KCNJ6: variants seen among roughly 807,000 people sequenced by gnomAD.
The protein encoded by KCNJ6 is potassium inwardly rectifying channel subfamily J member 6.
KCNJ6 carries 9 observed loss-of-function variants against 34.2 expected under a neutral mutation model. That is an observed-to-expected ratio of 0.26 (90% CI 0.16 to 0.46). The LOEUF (loss-of-function observed/expected upper bound fraction) is 0.46, where lower values mean the gene tolerates loss of function less well. Among genes scored for constraint, KCNJ6 ranks in the 20% least tolerant of loss-of-function variants. The pLI is 1.00. For synonymous variants in KCNJ6, 196 were observed against 207.1 expected, an observed-to-expected ratio of 0.95 and a Z score of 0.46; for missense variants, 236 against 531.3, an observed-to-expected ratio of 0.44 and a Z score of 5.46.
intron 2 of KCNJ6, among the ~76,000 whole-genome samples, chr21:37,836,920 C>A (rs984462275): frequency 3.3e-5 from 5 of 152,172 alleles, no homozygotes; most frequent in African/African-American, 1.2e-4. Flanking sequence ...AATTGGCAGC[C>A]TTTGGAAGGT....
chr21:37,878,087 T>G (rs781761992), intron 1 of KCNJ6, among the ~76,000 whole-genome samples: 1 of 152,236 alleles, frequency 6.6e-6, no homozygotes, highest in Non-Finnish European at 1.5e-5. Context: ...GTTTCTGTCC[T>G]CTATCAATCT....
intron 2 of KCNJ6, among the ~76,000 whole-genome samples, chr21:37,784,651 C>T (rs1396890013): frequency 6.6e-6 from 1 of 152,092 alleles, no homozygotes; most frequent in African/African-American, 2.4e-5. Context: ...AAGTGAATGT[C>T]CCCAGGCAGC....
chr21:37,711,600 TGA>T (rs951559663), intron 3 of KCNJ6, among the ~76,000 whole-genome samples: 1 of 152,222 alleles, frequency 6.6e-6, no homozygotes, highest in African/African-American at 2.4e-5. Flanking sequence ...CCTGTGGTTT[TGA>T]GAGATTGAAG....
chr21:37,900,236 G>A (rs747363935), intron 1 of KCNJ6, among the ~76,000 whole-genome samples: 2 of 152,124 alleles, frequency 1.3e-5, no homozygotes, highest in Non-Finnish European at 2.9e-5. Context: ...ACAGTGTGTG[G>A]GAGATGCTTA....
chr21:37,824,681 C>T (rs150223208), intron 2 of KCNJ6, among the ~76,000 whole-genome samples: 136 of 152,284 alleles, frequency 8.9e-4, no homozygotes, highest in African/African-American at 3.2e-3. Context: ...GGCTTTCCTG[C>T]GCACACTTTC....
intron 2 of KCNJ6, among the ~76,000 whole-genome samples, chr21:37,725,799 T>C (rs2054851458): frequency 6.6e-6 from 1 of 152,256 alleles, no homozygotes; most frequent in South Asian, 2.1e-4. Context: ...CTGCTGCAGA[T>C]ATAATCAATG....
chr21:37,750,285 T>C (rs1439888541), intron 2 of KCNJ6, among the ~76,000 whole-genome samples: 1 of 152,226 alleles, frequency 6.6e-6, no homozygotes, highest in Admixed American at 6.5e-5. Flanking sequence ...TTGGTGGCAG[T>C]GTAAATTAGT....
intron 2 of KCNJ6, among the ~76,000 whole-genome samples, chr21:37,794,380 C>G (rs1231553237): frequency 6.6e-6 from 1 of 152,128 alleles, no homozygotes; most frequent in Non-Finnish European, 1.5e-5. Flanking sequence ...GTTTCCTCAT[C>G]TATAAAATGG....
chr21:37,668,089 C>T (rs1165504175), intron 3 of KCNJ6, among the ~76,000 whole-genome samples: 1 of 152,150 alleles, frequency 6.6e-6, no homozygotes, highest in Non-Finnish European at 1.5e-5. Flanking sequence ...GTGCCTGGCT[C>T]CCTTGGGGAC....
chr21:37,676,682 GT>G (rs2054566331), intron 3 of KCNJ6, among the ~76,000 whole-genome samples: 1 of 152,246 alleles, frequency 6.6e-6, no homozygotes, highest in South Asian at 2.1e-4. Context: ...GCAGGGTTGT[GT>G]TGGCCCAAGT....
intron 3 of KCNJ6, among the ~76,000 whole-genome samples, chr21:37,627,604 AT>A (rs1056264985): frequency 1.3e-5 from 2 of 152,206 alleles, no homozygotes; most frequent in African/African-American, 4.8e-5. Context: ...GTTGGGGAAA[AT>A]AGCAAGCTAA....
chr21:37,846,976 G>A (rs2055512060), intron 1 of KCNJ6, among the ~76,000 whole-genome samples: 1 of 152,164 alleles, frequency 6.6e-6, no homozygotes, highest in Non-Finnish European at 1.5e-5. Context: ...AGCCAAGCAA[G>A]TGAGTGTTCT....
In KCNJ6 at chr21:37,675,254, A is replaced by G. The variant is rs1318085580; in HGVS notation, c.946+38957T>C. ...TCTTTCCTTTAAGGATCTGGAGTTA[A>G]TATGATGGCTGCGTCTCAGAGATGT... On this transcript the variant is annotated intron_variant, in intron 3 of 3. Coordinates refer to ENST00000609713, the MANE Select transcript of KCNJ6 (RefSeq NM_002240.5). The surrounding 1 kb of genome is among the most constrained non-coding windows in gnomAD (Gnocchi z 4.2). Among the ~76,000 whole-genome samples, 1 of 152,244 alleles carries G rather than the reference A, an allele frequency of 6.6e-6. No individual in the cohort carries two copies. Among genetic ancestry groups the G allele is most frequent in the Non-Finnish European group, 1.5e-5 (1 of 68,036 alleles).
intron 3 of KCNJ6, among the ~76,000 whole-genome samples, chr21:37,671,989 A>G (rs1035022934): frequency 6.6e-6 from 1 of 152,130 alleles, no homozygotes; most frequent in Non-Finnish European, 1.5e-5. Context: ...GTATAAGATC[A>G]TGTTATCTTT....
intron 1 of KCNJ6, among the ~76,000 whole-genome samples, chr21:37,884,446 C>T (rs560439113): frequency 6.6e-5 from 10 of 152,238 alleles, no homozygotes; most frequent in Admixed American, 5.9e-4. Context: ...TCCATCACAG[C>T]CTTCCAGGGA....
At chr21:37,847,838 G>T (rs1350050750) in intron 1 of KCNJ6, among the ~76,000 whole-genome samples, 1 of 152,072 alleles carries the variant, frequency 6.6e-6, no homozygotes, top group Non-Finnish European at 1.5e-5. Flanking sequence ...TGGAGAAAAT[G>T]TAGTTCTAAC....
Position 37,675,028 on chromosome 21 carries a change from GTGGACTCATGCAGTCC to G in KCNJ6, c.946+39167_946+39182del, listed in dbSNP as rs2054558415. Reference sequence around the variant, plus strand: ...CTGCCCCTGTCCCCAAGCCTTCCAGGTGGACTCATGCAGTCCTGCTCGGAGCTCCTCTGCTGCTCCG... The same window carrying G: ...CTGCCCCTGTCCCCAAGCCTTCCAGGTGCTCGGAGCTCCTCTGCTGCTCCG... On this transcript the variant is annotated intron_variant, in intron 3 of 3. Coordinates refer to ENST00000609713, the MANE Select transcript of KCNJ6 (RefSeq NM_002240.5). This position sits in a 1 kb window ranked among gnomAD's most constrained non-coding sequence, Gnocchi z 4.2. Among the ~76,000 whole-genome samples the G allele has an allele frequency of 1.3e-5, 2 of 152,148 alleles. No individual in the cohort carries two copies. The highest frequency in any genetic ancestry group is 1.3e-4 in the Admixed American group (2 of 15,284).
At chr21:37,889,454 G>C (rs1279168431) in intron 1 of KCNJ6, among the ~76,000 whole-genome samples, 1 of 152,046 alleles carries the variant, frequency 6.6e-6, no homozygotes, top group East Asian at 1.9e-4. Context: ...GGAGGGCTGG[G>C]CTGGGGAAAG....
At chr21:37,639,099 C>T (rs1446270189) in intron 3 of KCNJ6, among the ~76,000 whole-genome samples, 1 of 152,218 alleles carries the variant, frequency 6.6e-6, no homozygotes, top group Non-Finnish European at 1.5e-5. Flanking sequence ...GCCCAATGCA[C>T]TTGAAAGCCA....
Sources: allele counts gnomAD v4.1 joint callset (sites outside exome capture counted in the v4.1 genomes callset), GRCh38; gene constraint gnomAD v4.1.1; non-coding constraint Gnocchi (gnomAD v3.1); transcripts MANE v1.5; gene names NCBI Gene and HGNC (gene_info 2026-07-23, HGNC 2026-07-21).